Variants in FBXL17 observed in about 807,000 individuals in gnomAD.
The protein encoded by FBXL17 is F-box and leucine rich repeat protein 17.
A neutral mutation model predicts 66.2 loss-of-function variants in FBXL17; 22 were observed. The observed-to-expected ratio is 0.33, with a 90% CI of 0.24 to 0.47. FBXL17 has a LOEUF of 0.47. Ranked by LOEUF, FBXL17 falls within the 20% of genes least tolerant of loss-of-function variation. The pLI, the probability that FBXL17 is intolerant of heterozygous loss-of-function variation, is 1.00. For synonymous variants in FBXL17, 474 were observed against 400.5 expected (o/e 1.18, Z -2.19); for missense variants, 878 against 948.2 (o/e 0.93, Z 0.97).
intron 7 of FBXL17, among the ~76,000 whole-genome samples, chr5:107,885,949 TA>T (rs34249804): frequency 1.3e-4 from 20 of 149,430 alleles, no homozygotes; most frequent in African/African-American, 2.2e-4. Flanking sequence ...CTTCCCAAAA[TA>T]AAAAAAAAAT....
At chr5:108,212,234 C>T in intron 5 of FBXL17, among the ~76,000 whole-genome samples, 1 of 152,180 alleles carries the variant, frequency 6.6e-6, no homozygotes, top group East Asian at 1.9e-4. Context: ...ATTCGTCTAA[C>T]CTTTTTTCAA....
intron 4 of FBXL17, among the ~76,000 whole-genome samples, chr5:108,241,227 T>TG (rs1410400139): frequency 1.3e-5 from 2 of 152,222 alleles, no homozygotes; most frequent in African/African-American, 4.8e-5. Flanking sequence ...ATAGCTGTTC[T>TG]GAGGAAACTC....
chr5:108,250,245 T>G (rs1223010622), intron 4 of FBXL17, among the ~76,000 whole-genome samples: 1 of 152,144 alleles, frequency 6.6e-6, no homozygotes, highest in East Asian at 1.9e-4. Context: ...TCTCTTGGCA[T>G]GCTTGTCATC....
intron 4 of FBXL17, among the ~76,000 whole-genome samples, chr5:108,312,140 C>T (rs557039493): frequency 6.6e-6 from 1 of 152,128 alleles, no homozygotes; most frequent in Admixed American, 6.5e-5. Flanking sequence ...ATACATACCA[C>T]CAGCATCACA....
At chr5:107,882,417 G>T (rs10045366) in intron 7 of FBXL17, among the ~76,000 whole-genome samples, 310 of 151,828 alleles carry the variant, frequency 2.0e-3, no homozygotes, top group African/African-American at 7.3e-3. Context: ...CTCCCAAGTA[G>T]CCAGATATTT....
chr5:108,021,171 G>C (rs1297011967), intron 6 of FBXL17, among the ~76,000 whole-genome samples, 170 bp from the exon 7 acceptor site: 1 of 151,572 alleles, frequency 6.6e-6, no homozygotes, highest in Admixed American at 6.6e-5. Context: ...ATACCTAAAT[G>C]ACTTTATTTA....
At chr5:108,333,380 T>C (rs947190840) in intron 4 of FBXL17, among the ~76,000 whole-genome samples, 12 of 151,986 alleles carry the variant, frequency 7.9e-5, no homozygotes, top group African/African-American at 2.9e-4. Context: ...GACAGACAAA[T>C]TACTACGTTA....
intron 7 of FBXL17, among the ~76,000 whole-genome samples, chr5:107,987,039 A>C (rs929870215): frequency 1.3e-5 from 2 of 152,070 alleles, no homozygotes; most frequent in East Asian, 3.8e-4. Flanking sequence ...CACATAACTG[A>C]AACCTTCATA....
chr5:108,351,605 T>A (rs1747661532), intron 3 of FBXL17, among the ~76,000 whole-genome samples: 1 of 152,110 alleles, frequency 6.6e-6, no homozygotes, highest in Non-Finnish European at 1.5e-5. Context: ...AACTCCAGAG[T>A]CAGGTTAACA....
intron 6 of FBXL17, among the ~76,000 whole-genome samples, chr5:108,158,583 G>C (rs1277933403): frequency 6.6e-6 from 1 of 151,898 alleles, no homozygotes; most frequent in Admixed American, 6.6e-5. Context: ...AGGGGAGGTA[G>C]AGGCTGACAT....
intron 6 of FBXL17, among the ~76,000 whole-genome samples, chr5:108,081,443 C>T (rs576628815): frequency 3.3e-5 from 5 of 152,020 alleles, no homozygotes; most frequent in African/African-American, 1.2e-4. Context: ...GCCAGTAGGC[C>T]GGGCACGGTG....
At chr5:108,379,711 G>C (rs935681555) in intron 1 of FBXL17, among the ~76,000 whole-genome samples, 1 of 152,120 alleles carries the variant, frequency 6.6e-6, no homozygotes, top group Non-Finnish European at 1.5e-5. Context: ...GCTCCAAATA[G>C]GGTAGGGTGG....
intron 6 of FBXL17, among the ~76,000 whole-genome samples, chr5:108,143,626 C>T (rs1751445482): frequency 6.6e-6 from 1 of 151,158 alleles, no homozygotes; most frequent in African/African-American, 2.4e-5. Context: ...GCCCAGATAG[C>T]TCCAAGAAAG....
chr5:108,117,029 T>C (rs533526354), intron 6 of FBXL17, among the ~76,000 whole-genome samples: 38 of 152,334 alleles, frequency 2.5e-4, no homozygotes, highest in Middle Eastern at 3.4e-3. Flanking sequence ...ATCTGACACA[T>C]TGGGAAATCG....
At chr5:107,890,411 C>T (rs1341218959) in intron 7 of FBXL17, among the ~76,000 whole-genome samples, 1 of 151,758 alleles carries the variant, frequency 6.6e-6, no homozygotes, top group Non-Finnish European at 1.5e-5. Flanking sequence ...CCTATAATCC[C>T]TGTACTTTGG....
At chr5:108,082,543 G>A (rs1376943406) in intron 6 of FBXL17, among the ~76,000 whole-genome samples, 5 of 152,122 alleles carry the variant, frequency 3.3e-5, no homozygotes, top group Admixed American at 3.3e-4. Flanking sequence ...CTATTTCCCA[G>A]TAGACAACAT....
intron 6 of FBXL17, among the ~76,000 whole-genome samples, chr5:108,136,921 CA>C (rs1302200204): frequency 6.6e-6 from 1 of 151,986 alleles, no homozygotes; most frequent in Non-Finnish European, 1.5e-5. Flanking sequence ...TTAATTACTT[CA>C]AAACTATAAC....
At chr5:107,881,549 A>G (rs1748790724) in intron 7 of FBXL17, among the ~76,000 whole-genome samples, 1 of 151,752 alleles carries the variant, frequency 6.6e-6, no homozygotes, top group Non-Finnish European at 1.5e-5. Flanking sequence ...GATAACTTTA[A>G]TTTTTTTTTA....
rs554012149 is a variant in FBXL17, at chr5:108,071,821, G to A, written c.1746-50820C>T. ...TTACTCATTGGTATGTTATTGGTAT[G>A]TTATAATCTAGTTTAGAGTACAACT... On this transcript the variant is annotated intron_variant, in intron 6 of 8. Transcript: ENST00000542267. 5.9e-5 allele frequency among the ~76,000 whole-genome samples: 9 copies of A among 152,080 alleles called. No homozygotes were observed. The East Asian group carries it at 7.7e-4, about 13-fold the overall frequency.
Sources: allele counts gnomAD v4.1 joint callset (sites outside exome capture counted in the v4.1 genomes callset), GRCh38; gene constraint gnomAD v4.1.1; transcripts MANE v1.5; gene names NCBI Gene and HGNC (gene_info 2026-07-23, HGNC 2026-07-21).